The following UBR2 variants were observed in gnomAD, a reference collection of about 807,000 sequenced individuals.
UBR2 encodes E3 ubiquitin-protein ligase UBR2.
Under a neutral mutation model 247.9 loss-of-function variants are expected in UBR2, and 92 were observed. The ratio of observed to expected loss-of-function variants is 0.37; its 90% CI spans 0.31 to 0.44. The LOEUF is 0.44. Ranked by LOEUF, UBR2 falls within the 20% of genes least tolerant of loss-of-function variation. The pLI is 1.00. For missense variants in UBR2, 1,613 were observed against 2,112.6 expected (o/e 0.76, Z 4.64); for synonymous variants, 672 against 693.5 (o/e 0.97, Z 0.49).
chr6:42,662,366 G>A lies in UBR2; in HGVS notation c.3536+89G>A, dbSNP rs953803383. ...GAGGAAATTTCATTCTAGAAAAAAG[G>A]AAAAGAACTAAAAATGTTGAAAAAA... On this transcript the variant is annotated intron_variant, in intron 31 of 46. Transcript: ENST00000372901. 8 of 839,896 alleles carry A rather than the reference G, an allele frequency of 9.5e-6. 1 individual carries two copies. In the African/African-American group the frequency reaches 1.1e-4, roughly 11 times the overall value. 52.0% of individuals were successfully genotyped at this position (839,896 alleles called of 1,614,324 possible).
Position 42,615,993 on chromosome 6 carries a change from T to C in UBR2, c.1094-9T>C. On this transcript the variant is annotated splice_polypyrimidine_tract_variant and intron_variant, in intron 9 of 46. Transcript: ENST00000372901. ...GTCCTTATCTTATACCGTGATCTTT[T>C]TCTACAAGGTGCTAGGAGTGTATAT... 1 of 1,569,878 alleles carries C rather than the reference T, an allele frequency of 6.4e-7. No individual in the cohort carries two copies. Among genetic ancestry groups the C allele is most frequent in the Non-Finnish European group, 8.6e-7 (1 of 1,162,474 alleles).
chr6:42,578,230 G>C (rs756368090), intron 2 of UBR2, among the ~76,000 whole-genome samples: 1 of 152,062 alleles, frequency 6.6e-6, no homozygotes, highest in Non-Finnish European at 1.5e-5. Flanking sequence ...GCTCCAGGTA[G>C]TTTTTTTGAC....
chr6:42,678,803 T>G (rs758231795), intron 41 of UBR2, 134 bp downstream of exon 41: 68 of 971,490 alleles, frequency 7.0e-5, no homozygotes, highest in Non-Finnish European at 9.9e-5. Flanking sequence ...GATGTACACA[T>G]TTATAGCATA....
chr6:42,657,771 G>A (rs1007384926), intron 26 of UBR2, among the ~76,000 whole-genome samples: 29 of 152,128 alleles, frequency 1.9e-4, no homozygotes, highest in African/African-American at 6.8e-4. Context: ...TTTGCTAAAG[G>A]GATGTTAAAA....
At chr6:42,619,443 A>ATTTTTTTTTTTTTTTTTTTT (rs1378166581) in intron 11 of UBR2, 1 of 29,330 alleles carries the variant, frequency 3.4e-5, no homozygotes, top group African/African-American at 1.1e-4. Context: ...ATATATATAT[A>ATTTTTTTTTTTTTTTTTTTT]TATATATATA....
At chr6:42,618,224 C>T (rs893408978) in intron 11 of UBR2, among the ~76,000 whole-genome samples, 1 of 152,114 alleles carries the variant, frequency 6.6e-6, no homozygotes, top group Non-Finnish European at 1.5e-5. Context: ...TGTCCTTTTC[C>T]CACACTTCAG....
intron 16 of UBR2, among the ~76,000 whole-genome samples, chr6:42,641,246 C>G (rs193131414): frequency 3.3e-5 from 5 of 152,102 alleles, no homozygotes; most frequent in African/African-American, 1.2e-4. Context: ...GGTGGATCAC[C>G]TGAGGTCAGG....
Position 42,691,577 on chromosome 6 carries a change from C to T in UBR2, c.*404C>T. ...GTCTGTTGGGTCATACTTCCTGGTT[C>T]CACTGAGTGGCCCAACACTGGGACT... is the stretch of plus-strand genomic sequence containing the variant. On this transcript the variant is annotated 3_prime_UTR_variant, in exon 47 of 47. Transcript: ENST00000372901. 3.9e-6 allele frequency: 1 copy of T among 257,244 alleles called. No homozygotes were observed. 15.9% of individuals were successfully genotyped at this position (257,244 alleles called of 1,614,324 possible).
At chr6:42,661,057 G>T (rs184187039) in intron 30 of UBR2, among the ~76,000 whole-genome samples, 1 of 151,716 alleles carries the variant, frequency 6.6e-6, no homozygotes, top group East Asian at 1.9e-4. Flanking sequence ...ACTCTGGGAG[G>T]CCAAGGCAGG....
At chr6:42,616,583 T>G (rs1190181464) in intron 10 of UBR2, among the ~76,000 whole-genome samples, 1 of 151,938 alleles carries the variant, frequency 6.6e-6, no homozygotes, top group Non-Finnish European at 1.5e-5. Flanking sequence ...AAACTTTGAT[T>G]TTATAAATAG....
At chr6:42,627,426 A>C (rs900360919) in intron 11 of UBR2, among the ~76,000 whole-genome samples, 2 of 152,088 alleles carry the variant, frequency 1.3e-5, no homozygotes, top group Non-Finnish European at 2.9e-5. Flanking sequence ...GGTTTTACAA[A>C]CGCAGTCTGG....
chr6:42,687,356 C>T (rs13193863), intron 44 of UBR2, among the ~76,000 whole-genome samples: 37,418 of 151,786 alleles, frequency 0.25, 4,994 homozygotes, highest in East Asian at 0.46. Context: ...TGGCGGCGCG[C>T]GCCTGCAATC....
intron 11 of UBR2, among the ~76,000 whole-genome samples, chr6:42,626,737 A>G (rs1795373518): frequency 6.6e-6 from 1 of 152,190 alleles, no homozygotes; most frequent in Non-Finnish European, 1.5e-5. Flanking sequence ...TTCACTCTAT[A>G]GGAACTTGTA....
Position 42,655,723 on chromosome 6 carries a change from A to G in UBR2, c.2872A>G (p.Lys958Glu), listed in dbSNP as rs746793129. The change falls in exon 26 of 47, where the codon AAA (lysine) becomes GAA (glutamate). Residue 958 changes from lysine (K) to glutamate (E), a missense_variant and splice_region_variant. Physicochemically the swap from Lys to Glu is moderately conservative, Grantham distance 56. Around this residue, in one of 3 missense-constraint regions of UBR2, gnomAD observed 1,524 missense variants for 1,967.3 expected, o/e 0.77. Transcript: ENST00000372901. ...VTFTFTQKIS[K>E]PGEAPKNSPS... ...ATTTACCTTCACTCAGAAGATATCAAGTATGTATATATCTTTTTACTAAAC... is the reference window on the plus strand; with the variant it reads ...ATTTACCTTCACTCAGAAGATATCAGGTATGTATATATCTTTTTACTAAAC... 3 of 1,509,494 alleles carry G rather than the reference A, an allele frequency of 2.0e-6. No individual in the cohort carries two copies. Among genetic ancestry groups the G allele is most frequent in the Non-Finnish European group, 2.7e-6 (3 of 1,128,082 alleles). The allele number at this position is 1,509,494 out of a possible 1,614,324, so 93.5% of individuals were successfully genotyped here. A position where few individuals can be genotyped will look rare whatever the true frequency, so the allele number is the denominator to read the frequency against.
At chr6:42,634,840 A>T (rs547266614) in intron 13 of UBR2, among the ~76,000 whole-genome samples, 1 of 152,204 alleles carries the variant, frequency 6.6e-6, no homozygotes, top group Non-Finnish European at 1.5e-5. Flanking sequence ...ATCTGTGAAA[A>T]CAATAGCTAC....
intron 11 of UBR2, chr6:42,619,445 ATATATATATT>A (rs1419956515): frequency 0.029 from 927 of 31,966 alleles, 71 homozygotes; most frequent in Admixed American, 0.04. Flanking sequence ...ATATATATAT[ATATATATATT>A]TTTTTTTTTT....
Position 42,637,160 on chromosome 6 carries a change from T to G in UBR2, c.1824T>G (p.Val608=), listed in dbSNP as rs1796148724. 1 of 1,613,450 alleles carries G rather than the reference T, an allele frequency of 6.2e-7. No homozygotes were observed. Among genetic ancestry groups the G allele is most frequent in the Non-Finnish European group, 8.5e-7 (1 of 1,179,704 alleles). The change falls in exon 15 of 47, where the codon GTT becomes GTG. Residue 608 remains valine, a synonymous_variant. Coordinates refer to ENST00000372901, the MANE Select transcript of UBR2 (RefSeq NM_001363705.2). Reference sequence around the variant, plus strand: ...GATACTGTGTTTCCCAAGAAAAAGTTAGCATTCACCTCCCAGTTTCTCGCT... The same window carrying G: ...GATACTGTGTTTCCCAAGAAAAAGTGAGCATTCACCTCCCAGTTTCTCGCT... ...TIRYCVSQEK[V]SIHLPVSRLL...
intron 4 of UBR2, among the ~76,000 whole-genome samples, chr6:42,600,691 T>C (rs1240848046): frequency 2.0e-5 from 3 of 148,320 alleles, no homozygotes; most frequent in Non-Finnish European, 4.5e-5. Context: ...CATTTTAGAG[T>C]GTATTTTTTC....
chr6:42,594,550 A>C (rs1792853858), intron 4 of UBR2, among the ~76,000 whole-genome samples: 1 of 152,116 alleles, frequency 6.6e-6, no homozygotes, highest in Admixed American at 6.5e-5. Context: ...AGCATACTTG[A>C]AGTTTATTTG....
Sources: gnomAD v4.1 joint callset for allele counts (sites outside exome capture counted in the v4.1 genomes callset) on GRCh38, gnomAD v4.1.1 for gene constraint, gnomAD v4.1.1 regional missense constraint, MANE v1.5 for transcripts, NCBI Gene and HGNC (gene_info 2026-07-23, HGNC 2026-07-21) for gene names.